SH3KBP1: variants seen among roughly 807,000 people sequenced by gnomAD.
The protein encoded by SH3KBP1 is SH3 domain containing kinase binding protein 1, also known as SH3 domain-containing kinase-binding protein 1.
Under a neutral mutation model 50.1 loss-of-function variants are expected in SH3KBP1, and 8 were observed. The observed-to-expected ratio is 0.16, with a 90% confidence interval of 0.09 to 0.29. The LOEUF (loss-of-function observed/expected upper bound fraction) is 0.29. Ranked by LOEUF, SH3KBP1 falls within the 10% of genes least tolerant of loss-of-function variation. The probability of loss-of-function intolerance (pLI) is 1.00; values close to 1 mark genes in which losing one functional copy is unlikely to be tolerated. For synonymous variants in SH3KBP1, 227 were observed against 218.6 expected, an observed-to-expected ratio of 1.04 and a Z score of -0.34; for missense variants, 377 against 535.2, an observed-to-expected ratio of 0.70 and a Z score of 2.92.
chrX:19,570,330 C>A (rs188562115), intron 12 of SH3KBP1, among the ~76,000 whole-genome samples: 37 of 111,649 alleles, frequency 3.3e-4, no homozygotes, highest in African/African-American at 1.1e-3. Flanking sequence ...TACACTTGAG[C>A]CTTGGAGGAA....
intron 2 of SH3KBP1, among the ~76,000 whole-genome samples, chrX:19,783,729 G>A (rs1030389873): frequency 5.4e-5 from 6 of 111,573 alleles, no homozygotes; most frequent in African/African-American, 1.6e-4. Context: ...ATTAACTCAA[G>A]CCTCAGAAAA....
intron 7 of SH3KBP1, among the ~76,000 whole-genome samples, chrX:19,635,730 C>A (rs2061687702): frequency 9.0e-6 from 1 of 110,727 alleles, no homozygotes; most frequent in African/African-American, 3.3e-5. Flanking sequence ...AAAGACATTG[C>A]CAATTTGGGG....
intron 1 of SH3KBP1, among the ~76,000 whole-genome samples, chrX:19,861,413 A>T (rs948001876): frequency 1.9e-4 from 21 of 110,318 alleles, no homozygotes; most frequent in Non-Finnish European, 3.0e-4. Context: ...AATAAATAAT[A>T]AAAAAAATAG....
At chrX:19,713,264 A>T (rs2063822602) in intron 3 of SH3KBP1, among the ~76,000 whole-genome samples, 1 of 109,632 alleles carries the variant, frequency 9.1e-6, no homozygotes, top group Non-Finnish European at 1.9e-5. Context: ...TTTTTTTCTT[A>T]AAAACTTTTT....
At chrX:19,743,174 GGGGTAGGA>G (rs2064820144) in intron 3 of SH3KBP1, among the ~76,000 whole-genome samples, 4 of 111,848 alleles carry the variant, frequency 3.6e-5, no homozygotes, top group Non-Finnish European at 7.5e-5. Context: ...CTGGGAGGCT[GGGGTAGGA>G]GGCTTGCTTG....
At chrX:19,772,297 A>G (rs989685242) in intron 2 of SH3KBP1, among the ~76,000 whole-genome samples, 4 of 111,304 alleles carry the variant, frequency 3.6e-5, no homozygotes, top group African/African-American at 1.3e-4. Context: ...GGGGAAATCC[A>G]CTGGTACAGC....
At chrX:19,846,273 C>T (rs767294725) in intron 1 of SH3KBP1, among the ~76,000 whole-genome samples, 17 of 111,792 alleles carry the variant, frequency 1.5e-4, no homozygotes, top group Non-Finnish European at 2.3e-4. Flanking sequence ...TGGTCTCAAA[C>T]TCCTAACCTC....
intron 1 of SH3KBP1, among the ~76,000 whole-genome samples, chrX:19,851,168 G>A (rs1167115338): frequency 4.5e-5 from 5 of 111,708 alleles, no homozygotes. Context: ...AAGGGTCAGG[G>A]GGTGCTTGCA....
intron 16 of SH3KBP1, among the ~76,000 whole-genome samples, chrX:19,538,207 T>C (rs189983642): frequency 3.0e-4 from 34 of 111,833 alleles, no homozygotes; most frequent in African/African-American, 1.1e-3. Flanking sequence ...AATGTACTTA[T>C]TACAATTTTC....
chrX:19,859,175 G>A (rs1476633098), intron 1 of SH3KBP1, among the ~76,000 whole-genome samples: 1 of 109,358 alleles, frequency 9.1e-6, no homozygotes, highest in Non-Finnish European at 1.9e-5. Flanking sequence ...TTGAGACAGA[G>A]TCTTGCTCTG....
intron 5 of SH3KBP1, among the ~76,000 whole-genome samples, chrX:19,694,168 A>T (rs1263925629): frequency 1.8e-5 from 2 of 112,187 alleles, no homozygotes; most frequent in African/African-American, 6.5e-5. Flanking sequence ...ATAATGTTAT[A>T]ATGACCCAAT....
At chrX:19,630,961 C>T (rs2061561778) in intron 8 of SH3KBP1, among the ~76,000 whole-genome samples, 2 of 111,724 alleles carry the variant, frequency 1.8e-5, no homozygotes, top group African/African-American at 6.5e-5. Context: ...CCTACTCCCA[C>T]TCTATGCACC....
At chrX:19,733,386 AGAATT>A (rs1221364954) in intron 3 of SH3KBP1, among the ~76,000 whole-genome samples, 1 of 110,352 alleles carries the variant, frequency 9.1e-6, no homozygotes, top group Admixed American at 9.7e-5. Flanking sequence ...TTAATGGTAT[AGAATT>A]GAAAGCCCAA....
At chrX:19,735,814 C>G (rs2148785643) in intron 3 of SH3KBP1, among the ~76,000 whole-genome samples, 1 of 107,240 alleles carries the variant, frequency 9.3e-6, no homozygotes, top group East Asian at 3.0e-4. Context: ...AGCTCCGCCT[C>G]CCGGGTTCAC....
intron 2 of SH3KBP1, among the ~76,000 whole-genome samples, chrX:19,830,688 G>A (rs1245333651): frequency 9.1e-6 from 1 of 110,103 alleles, no homozygotes; most frequent in Non-Finnish European, 1.9e-5. Flanking sequence ...CTTGAGCCCA[G>A]GAGTTTGAGG....
intron 2 of SH3KBP1, among the ~76,000 whole-genome samples, chrX:19,822,828 C>T (rs1043769354): frequency 2.1e-4 from 23 of 112,070 alleles, no homozygotes; most frequent in Non-Finnish European, 2.3e-4. Context: ...GGGCTATTTT[C>T]GTTGGCTGCA....
At chrX:19,791,825 A>G (rs1211370398) in intron 2 of SH3KBP1, among the ~76,000 whole-genome samples, 2 of 111,651 alleles carry the variant, frequency 1.8e-5, no homozygotes, top group African/African-American at 6.5e-5. Context: ...GTTTCTTATT[A>G]GTCATCGTTC....
At chrX:19,667,010 C>G (rs2062616148) in intron 6 of SH3KBP1, among the ~76,000 whole-genome samples, 1 of 112,307 alleles carries the variant, frequency 8.9e-6, no homozygotes, top group African/African-American at 3.2e-5. Flanking sequence ...AAATAATACT[C>G]AGCCTTAAAA....
At chrX:19,646,884 G>A in intron 6 of SH3KBP1, among the ~76,000 whole-genome samples, 1 of 111,922 alleles carries the variant, frequency 8.9e-6, no homozygotes, top group African/African-American at 3.2e-5. Flanking sequence ...AAAATAATAT[G>A]CCACCTCTAA....
Sources: allele counts gnomAD v4.1 joint callset (sites outside exome capture counted in the v4.1 genomes callset), GRCh38; gene constraint gnomAD v4.1.1; transcripts MANE v1.5; gene names NCBI Gene and HGNC (gene_info 2026-07-23, HGNC 2026-07-21).